Variants in WWOX observed in about 807,000 individuals in gnomAD.
The protein encoded by WWOX is WW domain-containing oxidoreductase.
A neutral mutation model predicts 46.2 loss-of-function variants in WWOX; 69 were observed. That is an observed-to-expected ratio of 1.49 (90% CI 1.23 to 1.82). WWOX has a LOEUF of 1.82. WWOX is among the 40% of genes most tolerant of loss of function. The probability of loss-of-function intolerance (pLI) is 0.00; values close to 1 mark genes in which losing one functional copy is unlikely to be tolerated. For missense variants in WWOX, 919 were observed against 542.6 expected (o/e 1.69, Z -6.89); for synonymous variants, 359 against 202.6 (o/e 1.77, Z -6.56).
chr16:79,019,117 C>T (rs1444694274), intron 8 of WWOX, among the ~76,000 whole-genome samples: 1 of 131,816 alleles, frequency 7.6e-6, no homozygotes, highest in Non-Finnish European at 1.5e-5. Flanking sequence ...AAGATCACAC[C>T]ACTGCCTTCT....
intron 8 of WWOX, among the ~76,000 whole-genome samples, chr16:78,477,735 G>C (rs1003653141): frequency 6.6e-6 from 1 of 152,000 alleles, no homozygotes; most frequent in Non-Finnish European, 1.5e-5. Context: ...ACCATGTTAC[G>C]TGCGGATAAT....
At chr16:79,022,516 G>A (rs540435177) in intron 8 of WWOX, among the ~76,000 whole-genome samples, 6 of 151,986 alleles carry the variant, frequency 3.9e-5, no homozygotes, top group East Asian at 1.9e-4. Context: ...TATTCCGAAA[G>A]CATATGTTCC....
At chr16:78,881,414 A>G (rs975542183) in intron 8 of WWOX, among the ~76,000 whole-genome samples, 1 of 152,240 alleles carries the variant, frequency 6.6e-6, no homozygotes, top group African/African-American at 2.4e-5. Flanking sequence ...AAACTAATAT[A>G]CAGGTTTTCT....
In WWOX at chr16:78,348,347, A is replaced by G. The variant is rs185118442; in HGVS notation, c.517-38513A>G. 1.6e-4 allele frequency among the ~76,000 whole-genome samples: 20 copies of G among 121,296 alleles called. 5 individuals are homozygous for G. The highest frequency in any genetic ancestry group is 5.6e-4 in the African/African-American group (20 of 35,892). The allele number at this position is 121,296 out of a possible 152,430, so 79.6% of individuals were successfully genotyped here. On this transcript the variant is annotated intron_variant, in intron 5 of 8. Coordinates refer to ENST00000566780, the MANE Select transcript of WWOX (RefSeq NM_016373.4). Reference sequence around the variant, plus strand: ...TATATCCAGGAAAGAGTGGCAAAGAACCATCCCAGCAGATAGCTTGAGGGT... The same window carrying G: ...TATATCCAGGAAAGAGTGGCAAAGAGCCATCCCAGCAGATAGCTTGAGGGT...
chr16:78,878,571 C>G (rs181576492), intron 8 of WWOX, among the ~76,000 whole-genome samples: 2 of 152,118 alleles, frequency 1.3e-5, no homozygotes, highest in African/African-American at 2.4e-5. Flanking sequence ...TATATTAACA[C>G]CTATTTTACA....
At chr16:78,519,877 T>TA (rs1451530745) in intron 8 of WWOX, among the ~76,000 whole-genome samples, 7 of 152,200 alleles carry the variant, frequency 4.6e-5, no homozygotes, top group Non-Finnish European at 1.0e-4. Flanking sequence ...ATAAGCCACC[T>TA]AAGTTATACT....
chr16:78,438,469 T>TTTC (rs397688519), intron 8 of WWOX, among the ~76,000 whole-genome samples: 2 of 152,016 alleles, frequency 1.3e-5, no homozygotes, highest in East Asian at 3.9e-4. Flanking sequence ...CTTTTTTTTT[T>TTTC]CCACATAAGC....
rs140942360 is a variant in WWOX at position 78,883,875 on chromosome 16, T to A, written c.1057-327733T>A. Among the ~76,000 whole-genome samples, 342 of 152,224 alleles carry A rather than the reference T, an allele frequency of 2.2e-3. 1 individual carries two copies. The highest frequency in any genetic ancestry group is 7.6e-3 in the African/African-American group (315 of 41,528). On this transcript the variant is annotated intron_variant, in intron 8 of 8. Transcript: ENST00000566780. Reference sequence around the variant, plus strand: ...ATACTAATATTCTAAACTAAAAAGATAATTTAAAGGGAAAGAAAACCTCTT... The same window carrying A: ...ATACTAATATTCTAAACTAAAAAGAAAATTTAAAGGGAAAGAAAACCTCTT...
intron 5 of WWOX, among the ~76,000 whole-genome samples, chr16:78,262,113 A>AT (rs1047455042): frequency 9.0e-4 from 135 of 150,630 alleles, no homozygotes; most frequent in African/African-American, 3.0e-3. Flanking sequence ...AAAAAAAAAA[A>AT]AAAAAAGAAG....
At chr16:78,896,157 A>C (rs2044695546) in intron 8 of WWOX, 1 of 152,182 alleles carries the variant, frequency 6.6e-6, no homozygotes, top group Non-Finnish European at 1.5e-5. Context: ...GAAATACTTC[A>C]GAAGAAATAA....
chr16:78,873,535 C>T (rs1019363921), intron 8 of WWOX: 19 of 152,120 alleles, frequency 1.2e-4, no homozygotes, highest in African/African-American at 4.6e-4. Flanking sequence ...CCTTGTAATC[C>T]CAGCACTTTT....
chr16:79,114,273 C>G (rs1567559249), intron 8 of WWOX, among the ~76,000 whole-genome samples: 2 of 151,898 alleles, frequency 1.3e-5, no homozygotes, highest in South Asian at 4.2e-4. Flanking sequence ...CAGATGTCAT[C>G]AAATTAATGT....
chr16:78,163,308 C>T (rs1309027235), intron 4 of WWOX, among the ~76,000 whole-genome samples: 2 of 152,164 alleles, frequency 1.3e-5, no homozygotes, highest in African/African-American at 2.4e-5. Context: ...TTGAAATGGC[C>T]TGAAGCTGAG....
intron 8 of WWOX, among the ~76,000 whole-genome samples, chr16:78,633,805 T>C (rs2046498952): frequency 6.6e-6 from 1 of 152,166 alleles, no homozygotes. Flanking sequence ...CGGGCTGTGT[T>C]CCCGAGTGCA....
intron 7 of WWOX, among the ~76,000 whole-genome samples, chr16:78,432,121 CT>C (rs112523358): frequency 0.15 from 22,019 of 142,684 alleles, 2,510 homozygotes; most frequent in African/African-American, 0.34. Context: ...CCTCAGATTG[CT>C]TTTTTTTTTT....
intron 8 of WWOX, among the ~76,000 whole-genome samples, chr16:78,630,854 C>A (rs142510479): frequency 6.9e-6 from 1 of 144,850 alleles, no homozygotes; most frequent in East Asian, 2.1e-4. Context: ...GGTGAATGAA[C>A]GAAAGAGGCC....
At chr16:78,859,509 A>C (rs962450088) in intron 8 of WWOX, among the ~76,000 whole-genome samples, 1 of 152,184 alleles carries the variant, frequency 6.6e-6, no homozygotes, top group Admixed American at 6.5e-5. Flanking sequence ...CTCGATTTTT[A>C]TCATTAGCAC....
chr16:78,111,091 C>T (rs893139418), intron 3 of WWOX, among the ~76,000 whole-genome samples: 12 of 151,990 alleles, frequency 7.9e-5, no homozygotes, highest in African/African-American at 2.9e-4. Flanking sequence ...GTCGGGCCAG[C>T]CCTCCTCTGA....
chr16:79,006,972 C>T (rs1372366059), intron 8 of WWOX, among the ~76,000 whole-genome samples: 1 of 152,172 alleles, frequency 6.6e-6, no homozygotes, highest in African/African-American at 2.4e-5. Context: ...CACCCACAAT[C>T]TTCATTTCCC....
Sources: allele counts gnomAD v4.1 joint callset (sites outside exome capture counted in the v4.1 genomes callset), GRCh38; gene constraint gnomAD v4.1.1; transcripts MANE v1.5; gene names NCBI Gene and HGNC (gene_info 2026-07-23, HGNC 2026-07-21).